BANK1: variants seen among roughly 807,000 people sequenced by gnomAD.
The protein encoded by BANK1 is B-cell scaffold protein with ankyrin repeats.
A neutral mutation model predicts 94.5 loss-of-function variants in BANK1; 95 were observed. That is an observed-to-expected ratio of 1.00 (90% CI 0.85 to 1.19). The LOEUF is 1.19. Ranked by LOEUF, BANK1 falls within the 50% of genes most tolerant of loss-of-function variation. The pLI is 0.00. For missense variants in BANK1, 987 were observed against 932.2 expected, an observed-to-expected ratio of 1.06 and a Z score of -0.77; for synonymous variants, 334 against 308.4, an observed-to-expected ratio of 1.08 and a Z score of -0.87.
intron 2 of BANK1, among the ~76,000 whole-genome samples, chr4:101,830,832 C>T (rs954447106): frequency 3.3e-5 from 5 of 152,110 alleles, no homozygotes; most frequent in Non-Finnish European, 7.3e-5. Flanking sequence ...CTCTCAACTC[C>T]CAGTCTTCTA....
At position 101,978,634 on chromosome 4, in the gene BANK1, G is replaced by A. The variant is rs116379953; in HGVS notation, c.1207-42880G>A. ...CTTTCTTGTTGTGTTTCTGAAATAT[G>A]TTAGGAAAACTTAGGTATCAGTGAC... On this transcript the variant is annotated intron_variant, in intron 7 of 16. Transcript: ENST00000322953. 7.1e-3 allele frequency among the ~76,000 whole-genome samples: 1,079 copies of A among 151,922 alleles called. 21 individuals are homozygous for A. In the East Asian group the frequency reaches 0.072, roughly 10 times the overall value.
At chr4:101,852,222 A>G (rs1041924875) in intron 2 of BANK1, among the ~76,000 whole-genome samples, 2 of 151,864 alleles carry the variant, frequency 1.3e-5, no homozygotes, top group Non-Finnish European at 2.9e-5. Context: ...TATTGCATTT[A>G]TATGTTGTAG....
chr4:101,966,025 T>G (rs1360423462), intron 7 of BANK1, among the ~76,000 whole-genome samples: 1 of 152,114 alleles, frequency 6.6e-6, no homozygotes, highest in Non-Finnish European at 1.5e-5. Context: ...AGAACATTTG[T>G]TTTATCAGAA....
intron 5 of BANK1, among the ~76,000 whole-genome samples, chr4:101,879,679 C>CA (rs986758566): frequency 3.9e-5 from 6 of 151,940 alleles, no homozygotes; most frequent in African/African-American, 1.4e-4. Flanking sequence ...AATATTGATG[C>CA]AAAAATCCTC....
rs190942353 is a variant in BANK1 at position 102,025,487 on chromosome 4, A to T, written c.1572A>T (p.Glu524Asp). Residue 524 changes from glutamate to aspartate, a missense_variant, in exon 9 of 17, where the codon GAA (glutamate) becomes GAT (aspartate). Glu to Asp is a conservative substitution (Grantham distance 45). Transcript: ENST00000322953. ...PRPVANAFQL[E>D]RPHFTLPGTM... ...CTGTAGCTAATGCCTTCCAACTGGA[A>T]AGACCTCACTTCACCTTACCAGGTA... 1.2e-6 allele frequency: 2 copies of T among 1,613,806 alleles called. No individual in the cohort carries two copies. The highest frequency in any genetic ancestry group is 2.7e-5 in the African/African-American group (2 of 74,770).
intron 7 of BANK1, among the ~76,000 whole-genome samples, chr4:102,008,590 G>A (rs192441322): frequency 1.2e-4 from 18 of 152,238 alleles, no homozygotes; most frequent in South Asian, 4.1e-4. Context: ...GGTATATTGC[G>A]TTAGGTAGAT....
intron 7 of BANK1, among the ~76,000 whole-genome samples, chr4:101,995,228 G>T (rs1725837319): frequency 6.6e-6 from 1 of 152,100 alleles, no homozygotes. Context: ...AGTTTGCTGA[G>T]AATGATGGTT....
intron 4 of BANK1, among the ~76,000 whole-genome samples, chr4:101,867,945 C>CTTTTCTGCTCTCTGTCAAAATT (rs1728138315): frequency 6.6e-6 from 1 of 151,530 alleles, no homozygotes; most frequent in Non-Finnish European, 1.5e-5. Context: ...ATAACCCAAC[C>CTTTTCTGCTCTCTGTCAAAATT]ACGTTAGTGA....
intron 11 of BANK1, among the ~76,000 whole-genome samples, chr4:102,048,946 T>C (rs551433462): frequency 6.6e-6 from 1 of 152,326 alleles, no homozygotes; most frequent in African/African-American, 2.4e-5. Flanking sequence ...GATAAAATTT[T>C]CCATCAAAAC....
At chr4:101,918,603 GT>G in intron 7 of BANK1, among the ~76,000 whole-genome samples, 1 of 152,022 alleles carries the variant, frequency 6.6e-6, no homozygotes, top group Non-Finnish European at 1.5e-5. Context: ...CCATAATCAT[GT>G]TTAGAAAAGC....
chr4:102,031,010 G>A (rs879512785), intron 10 of BANK1, among the ~76,000 whole-genome samples: 5 of 152,070 alleles, frequency 3.3e-5, no homozygotes, highest in African/African-American at 4.8e-5. Context: ...TTGAGGAATC[G>A]CCACACTGTC....
chr4:101,868,144 G>T (rs1361493994), intron 4 of BANK1, among the ~76,000 whole-genome samples: 1 of 151,908 alleles, frequency 6.6e-6, no homozygotes, highest in Non-Finnish European at 1.5e-5. Flanking sequence ...GTTGGAGGTT[G>T]GTGCAAAAGT....
At chr4:102,021,985 G>A (rs1254767488) in intron 8 of BANK1, among the ~76,000 whole-genome samples, 2 of 151,838 alleles carry the variant, frequency 1.3e-5, no homozygotes, top group Non-Finnish European at 2.9e-5. Flanking sequence ...GTCCTCCCTG[G>A]CCCTAATATC....
intron 1 of BANK1, among the ~76,000 whole-genome samples, chr4:101,827,323 A>G (rs572056710): frequency 2.1e-4 from 32 of 152,064 alleles, no homozygotes; most frequent in South Asian, 2.1e-3. Flanking sequence ...ATATATTTTA[A>G]GATAAAAATT....
chr4:101,987,355 G>A (rs1172382718), intron 7 of BANK1, among the ~76,000 whole-genome samples: 1 of 152,102 alleles, frequency 6.6e-6, no homozygotes, highest in Non-Finnish European at 1.5e-5. Flanking sequence ...TCATTTATAA[G>A]TGAGGAAACT....
At chr4:101,963,809 A>G (rs1279338039) in intron 7 of BANK1, among the ~76,000 whole-genome samples, 1 of 152,058 alleles carries the variant, frequency 6.6e-6, no homozygotes, top group Non-Finnish European at 1.5e-5. Context: ...ACCCTCCTGT[A>G]TCTGTGCACT....
At chr4:101,900,910 G>A (rs532591095) in intron 6 of BANK1, among the ~76,000 whole-genome samples, 5 of 152,104 alleles carry the variant, frequency 3.3e-5, no homozygotes, top group Non-Finnish European at 7.4e-5. Context: ...TGAGTCCTAC[G>A]CATTGTTGTA....
intron 7 of BANK1, among the ~76,000 whole-genome samples, chr4:101,937,043 G>A (rs1252097938): frequency 1.3e-5 from 2 of 151,636 alleles, no homozygotes; most frequent in South Asian, 2.1e-4. Context: ...ATATTTGGAA[G>A]CTACCTAAGT....
intron 7 of BANK1, chr4:101,982,004 T>G (rs1425592610): frequency 6.6e-6 from 1 of 152,182 alleles, no homozygotes; most frequent in Non-Finnish European, 1.5e-5. Context: ...AGTTCCCCCA[T>G]GCCTCTCTTA....
Sources: allele counts gnomAD v4.1 joint callset (sites outside exome capture counted in the v4.1 genomes callset), GRCh38; gene constraint gnomAD v4.1.1; transcripts MANE v1.5; gene names NCBI Gene and HGNC (gene_info 2026-07-23, HGNC 2026-07-21).